Variants in LARP1B observed in about 807,000 individuals in gnomAD.
The protein encoded by LARP1B is La ribonucleoprotein 1B.
In LARP1B, 76 loss-of-function variants were observed where a neutral mutation model predicts 114.2. That is an observed-to-expected ratio of 0.67 (90% CI 0.55 to 0.81). The LOEUF (loss-of-function observed/expected upper bound fraction) is 0.81. Among genes scored for constraint, LARP1B ranks in the 30% least tolerant of loss-of-function variants. The probability of loss-of-function intolerance (pLI) is 0.00; values close to 1 mark genes in which losing one functional copy is unlikely to be tolerated. For missense variants in LARP1B, 1,014 were observed against 1,075.8 expected, an observed-to-expected ratio of 0.94 and a Z score of 0.80; for synonymous variants, 345 against 348.0, an observed-to-expected ratio of 0.99 and a Z score of 0.10.
chr4:128,066,896 C>T (rs970793716), intron 1 of LARP1B, among the ~76,000 whole-genome samples: 5 of 151,100 alleles, frequency 3.3e-5, no homozygotes, highest in Non-Finnish European at 7.4e-5. Context: ...CTCCCAGGTT[C>T]GAGCAATTCT....
intron 12 of LARP1B, among the ~76,000 whole-genome samples, chr4:128,162,518 T>C (rs1399165901): frequency 2.0e-5 from 3 of 152,160 alleles, no homozygotes; most frequent in Admixed American, 6.5e-5. Context: ...AGAGGCTTAC[T>C]TAGAAGTAGG....
chr4:128,120,803 ATTTT>A (rs56253884), intron 10 of LARP1B, among the ~76,000 whole-genome samples: 1 of 128,960 alleles, frequency 7.8e-6, no homozygotes, highest in African/African-American at 3.1e-5. Context: ...GGGGTAGACA[ATTTT>A]TTTTTTTTTT....
intron 15 of LARP1B, among the ~76,000 whole-genome samples, chr4:128,197,606 A>G (rs1046296321): frequency 6.6e-6 from 1 of 152,100 alleles, no homozygotes; most frequent in African/African-American, 2.4e-5. Context: ...AGGCAGGAGA[A>G]TCGCTTGAAC....
At chr4:128,139,025 A>G (rs1296571008) in intron 11 of LARP1B, among the ~76,000 whole-genome samples, 1 of 152,220 alleles carries the variant, frequency 6.6e-6, no homozygotes, top group South Asian at 2.1e-4. Context: ...TTTAAAAAAC[A>G]GATAACCAAG....
chr4:128,213,861 CG>C (rs1759299299), downstream of LARP1B, among the ~76,000 whole-genome samples: 3 of 152,098 alleles, frequency 2.0e-5, no homozygotes, highest in South Asian at 6.2e-4. Flanking sequence ...ACGCAGAAGA[CG>C]GGTGATTTCT....
intron 4 of LARP1B, among the ~76,000 whole-genome samples, chr4:128,078,405 C>T (rs1768856424): frequency 1.3e-5 from 2 of 151,930 alleles, no homozygotes; most frequent in South Asian, 4.2e-4. Context: ...CACTTGAGGT[C>T]AGGAGACATG....
chr4:128,126,314 G>T (rs1260151539), intron 11 of LARP1B, among the ~76,000 whole-genome samples: 1 of 151,718 alleles, frequency 6.6e-6, no homozygotes, highest in African/African-American at 2.4e-5. Context: ...GTAGAGATGG[G>T]GTTTCACCAC....
At chr4:128,181,801 CTTTTTT>C (rs34136994) in intron 15 of LARP1B, among the ~76,000 whole-genome samples, 2 of 77,168 alleles carry the variant, frequency 2.6e-5, no homozygotes, top group African/African-American at 5.4e-5. Context: ...TTATGATGTC[CTTTTTT>C]TTTTTTTTTT....
intron 1 of LARP1B, among the ~76,000 whole-genome samples, chr4:128,070,041 G>A (rs1437025010): frequency 3.3e-5 from 5 of 152,134 alleles, no homozygotes; most frequent in Non-Finnish European, 7.4e-5. Flanking sequence ...TACTGAGGCC[G>A]AGCGCAGTGG....
At chr4:128,209,757 T>A in intron 19 of LARP1B, 99 bp from the exon 20 acceptor site, 2 of 867,132 alleles carry the variant, frequency 2.3e-6, no homozygotes, top group African/African-American at 1.7e-5. Context: ...TACTGAAGTG[T>A]CCATTTAACT....
At chr4:128,132,685 T>A (rs1371492736) in intron 11 of LARP1B, among the ~76,000 whole-genome samples, 1 of 152,064 alleles carries the variant, frequency 6.6e-6, no homozygotes, top group Non-Finnish European at 1.5e-5. Flanking sequence ...AGACTACATA[T>A]TGTAGAGCAG....
intron 11 of LARP1B, among the ~76,000 whole-genome samples, chr4:128,125,485 C>T (rs1245443999): frequency 2.6e-5 from 4 of 152,238 alleles, no homozygotes; most frequent in African/African-American, 4.8e-5. Context: ...CAGTGGCTCA[C>T]GCCTGTAATC....
At position 128,155,643 on chromosome 4, in the gene LARP1B, C is replaced by T. The variant is rs137865099; in HGVS notation, c.1525-6551C>T. The T allele has an allele frequency of 6.1e-4, 907 of 1,496,422 alleles. 2 individuals are homozygous for T. In the African/African-American group the frequency reaches 0.011, roughly 18 times the overall value. The allele number at this position is 1,496,422 out of a possible 1,614,324, so 92.7% of individuals were successfully genotyped here. ...AACCCCAGCCAGGAGCCATCCGGGC[C>T]CTGGGGCCGCCTCCAGTGGTGTGTC... On this transcript the variant is annotated intron_variant, in intron 11 of 19. Transcript: ENST00000326639.
rs991734083 is a variant in LARP1B, at chr4:128,098,410, A to G, written c.813+80A>G. The G allele has an allele frequency of 6.8e-5, 82 of 1,210,192 alleles. 1 individual carries two copies. Among genetic ancestry groups the G allele is most frequent in the South Asian group, 8.8e-5 (6 of 68,570 alleles). The allele number at this position is 1,210,192 out of a possible 1,614,324, so 75.0% of individuals were successfully genotyped here. A position where few individuals can be genotyped will look rare whatever the true frequency, so the allele number is the denominator to read the frequency against. ...CTAAAACTTCTCTGAAAAACAGAGT[A>G]CTAAAAACAGACAATCTGTAGTTGC... On this transcript the variant is annotated intron_variant, in intron 8 of 19. Coordinates refer to ENST00000326639, the MANE Select transcript of LARP1B (RefSeq NM_018078.4).
At chr4:128,193,700 C>T (rs985387277) in intron 15 of LARP1B, among the ~76,000 whole-genome samples, 2 of 151,346 alleles carry the variant, frequency 1.3e-5, no homozygotes, top group Non-Finnish European at 3.0e-5. Flanking sequence ...CACTGCAACC[C>T]CTGCCTCCTG....
chr4:128,162,171 T>G, intron 11 of LARP1B, 23 bp from the exon 12 acceptor site: 1 of 1,608,446 alleles, frequency 6.2e-7, no homozygotes, highest in Non-Finnish European at 8.5e-7. Flanking sequence ...GTTTAGTAAT[T>G]AGATTCCTCC....
intron 8 of LARP1B, 113 bp from the exon 9 acceptor site, chr4:128,107,026 C>A: frequency 2.5e-6 from 2 of 802,474 alleles, no homozygotes; most frequent in Non-Finnish European, 4.0e-6. Context: ...TTTTTAGAAT[C>A]TTAACTGCAA....
chr4:128,107,768 T>C, intron 9 of LARP1B: 2 of 1,509,776 alleles, frequency 1.3e-6, no homozygotes, highest in Non-Finnish European at 1.8e-6. Flanking sequence ...ATTGGGGTTC[T>C]GTTTAATTTG....
intron 11 of LARP1B, among the ~76,000 whole-genome samples, chr4:128,159,906 G>A (rs140660403): frequency 1.1e-3 from 174 of 152,262 alleles, no homozygotes; most frequent in African/African-American, 4.0e-3. Context: ...AGAAGTTTTT[G>A]TAAAAACGTA....
Sources: gnomAD v4.1 joint callset for allele counts (sites outside exome capture counted in the v4.1 genomes callset) on GRCh38, gnomAD v4.1.1 for gene constraint, MANE v1.5 for transcripts, NCBI Gene and HGNC (gene_info 2026-07-23, HGNC 2026-07-21) for gene names.